The following NLRX1 variants were observed in gnomAD, a reference collection of about 807,000 sequenced individuals.
NLRX1 encodes the protein NOD-like receptor X1.
NLRX1 carries 67 observed loss-of-function variants against 74.2 expected under a neutral mutation model. The ratio of observed to expected loss-of-function variants is 0.90; its 90% CI spans 0.74 to 1.11. The LOEUF (loss-of-function observed/expected upper bound fraction) is 1.11, where lower values mean the gene tolerates loss of function less well. Ranked by LOEUF, NLRX1 falls within the 50% of genes least tolerant of loss-of-function variation. The probability of loss-of-function intolerance (pLI) is 0.00; values close to 1 mark genes in which losing one functional copy is unlikely to be tolerated. For missense variants in NLRX1, 1,191 were observed against 1,305.4 expected, an observed-to-expected ratio of 0.91 and a Z score of 1.35; for synonymous variants, 506 against 559.1, an observed-to-expected ratio of 0.91 and a Z score of 1.34.
chr11:119,176,172 A>G (rs1948699902), intron 6 of NLRX1, among the ~76,000 whole-genome samples: 1 of 152,186 alleles, frequency 6.6e-6, no homozygotes, highest in Non-Finnish European at 1.5e-5. Context: ...GGAATGTTTC[A>G]GCAACGCATT....
At position 119,168,819 on chromosome 11, in the gene NLRX1, C is replaced by T. The variant is rs1375198657; in HGVS notation, c.-532C>T. On this transcript the variant is annotated 5_prime_UTR_variant, in exon 1 of 10. Transcript: ENST00000409109. Reference sequence around the variant, plus strand: ...GCGCCTGCTCCGGAGCACCGGGCCCCTCTCGCTGACCCCCTCGTCCCAGGA... The same window carrying T: ...GCGCCTGCTCCGGAGCACCGGGCCCTTCTCGCTGACCCCCTCGTCCCAGGA... The T allele has an allele frequency of 1.3e-5, 2 of 152,242 alleles. No homozygotes were observed. Among genetic ancestry groups the T allele is most frequent in the Non-Finnish European group, 2.9e-5 (2 of 68,074 alleles). The allele number at this position is 152,242 out of a possible 1,614,324, so 9.4% of individuals were successfully genotyped here.
At position 119,173,763 on chromosome 11, in the gene NLRX1, A is replaced by C. The variant is rs775419771; in HGVS notation, c.514A>C (p.Lys172Gln). The change falls in exon 5 of 10, where the codon AAG becomes CAG. Residue 172 changes from lysine to glutamine, a missense_variant. Transcript: ENST00000409109. The surrounding 1 kb of genome is among the most constrained non-coding windows in gnomAD (Gnocchi z 4.0). ...GCTGTATGGGACAGTGGGCACAGGC[A>C]AGAGCACGCTGGTGCGCAAGATGGT... ...VVLYGTVGTG[K>Q]STLVRKMVLD... 2 of 1,613,630 alleles carry C rather than the reference A, an allele frequency of 1.2e-6. No homozygotes were observed. Among genetic ancestry groups the C allele is most frequent in the African/African-American group, 2.7e-5 (2 of 74,946 alleles).
In NLRX1 at chr11:119,175,044, T is replaced by C. The variant is rs770789347; in HGVS notation, c.1441T>C (p.Cys481Arg). 17 of 1,614,130 alleles carry C rather than the reference T, an allele frequency of 1.1e-5. No individual in the cohort carries two copies. Among genetic ancestry groups the C allele is most frequent in the Admixed American group, 1.7e-5 (1 of 60,030 alleles). The change falls in exon 6 of 10, where the codon TGT becomes CGT. Residue 481 changes from cysteine to arginine, a missense_variant. Physicochemically the swap from Cys to Arg is radical, Grantham distance 180. Coordinates refer to ENST00000409109, the MANE Select transcript of NLRX1 (RefSeq NM_001282144.2). ...TGCCCTGAGGTTTTTCCTGGCCCCA[T>C]GTGTGGAGCCAGGGCGTGCAGGCAC... ...RDALRFFLAP[C>R]VEPGRAGTFV... is the part of the protein sequence containing the mutation.
In NLRX1 at chr11:119,175,053, C is replaced by T. The variant is rs767144792; in HGVS notation, c.1450C>T (p.Pro484Ser). 2 of 1,614,138 alleles carry T rather than the reference C, an allele frequency of 1.2e-6. No homozygotes were observed. Among genetic ancestry groups the T allele is most frequent in the South Asian group, 1.1e-5 (1 of 91,090 alleles). ...LRFFLAPCVE[P>S]GRAGTFVFTV... ...GTTTTTCCTGGCCCCATGTGTGGAG[C>T]CAGGGCGTGCAGGCACCTTCGTGTT... is the stretch of plus-strand genomic sequence containing the variant. Residue 484 changes from proline to serine, a missense_variant, in exon 6 of 10, where the codon CCA becomes TCA. Pro to Ser is a moderately conservative substitution (Grantham distance 74). Transcript: ENST00000409109.
In NLRX1 at chr11:119,182,365, C is replaced by T; in HGVS notation, c.2606+20C>T. The T allele has an allele frequency of 6.2e-7, 1 of 1,601,888 alleles. No individual in the cohort carries two copies. Among genetic ancestry groups the T allele is most frequent in the Non-Finnish European group, 8.5e-7 (1 of 1,174,272 alleles). Reference sequence around the variant, plus strand: ...GCTACAGTGAGTCCTGTCCCTGGTCCCATTGCCCCCAGCCCTTCAGACTAC... The same window carrying T: ...GCTACAGTGAGTCCTGTCCCTGGTCTCATTGCCCCCAGCCCTTCAGACTAC... On this transcript the variant is annotated intron_variant, in intron 9 of 9. Coordinates refer to ENST00000409109, the MANE Select transcript of NLRX1 (RefSeq NM_001282144.2).
At position 119,183,774 on chromosome 11, in the gene NLRX1, TCTGA is replaced by T. The variant is rs1565837686; in HGVS notation, c.*339_*342del. 1.3e-6 allele frequency: 1 copy of T among 780,554 alleles called. No homozygotes were observed. Among genetic ancestry groups the T allele is most frequent in the Non-Finnish European group, 2.4e-6 (1 of 417,948 alleles). 48.4% of individuals were successfully genotyped at this position (780,554 alleles called of 1,614,324 possible). A position where few individuals can be genotyped will look rare whatever the true frequency, so the allele number is the denominator to read the frequency against. ...TGCCTCCCCCTCCTCTCAAAGAGCCTCTGACTGTGTCACCAAGGGGCTCACATCT... is the reference window on the plus strand; with the variant it reads ...TGCCTCCCCCTCCTCTCAAAGAGCCTCTGTGTCACCAAGGGGCTCACATCT... On this transcript the variant is annotated 3_prime_UTR_variant, in exon 10 of 10. Transcript: ENST00000409109. The surrounding 1 kb of genome is among the most constrained non-coding windows in gnomAD (Gnocchi z 5.7).
intron 8 of NLRX1, among the ~76,000 whole-genome samples, chr11:119,181,890 C>T (rs537864432): frequency 1.3e-5 from 2 of 152,258 alleles, no homozygotes; most frequent in East Asian, 1.9e-4. Context: ...CTCTGCCAGG[C>T]GCCACACCCC....
Position 119,173,404 on chromosome 11 carries a change from C to A in NLRX1, c.230-75C>A. ...GCCGTGATGTCCCAGCCTGACCTCACCACCGCCCTGATTGGCCCTAAGCTA... is the reference window on the plus strand; with the variant it reads ...GCCGTGATGTCCCAGCCTGACCTCAACACCGCCCTGATTGGCCCTAAGCTA... On this transcript the variant is annotated intron_variant, in intron 4 of 9. Coordinates refer to ENST00000409109, the MANE Select transcript of NLRX1 (RefSeq NM_001282144.2). This position sits in a 1 kb window ranked among gnomAD's most constrained non-coding sequence, Gnocchi z 4.0. 1 of 1,518,576 alleles carries A rather than the reference C, an allele frequency of 6.6e-7. No individual in the cohort carries two copies. The highest frequency in any genetic ancestry group is 8.9e-7 in the Non-Finnish European group (1 of 1,122,222). 94.1% of individuals were successfully genotyped at this position (1,518,576 alleles called of 1,614,324 possible). A position where few individuals can be genotyped will look rare whatever the true frequency, so the allele number is the denominator to read the frequency against.
At position 119,182,267 on chromosome 11, in the gene NLRX1, C is replaced by A. The variant is rs199476052; in HGVS notation, c.2528C>A (p.Ala843Glu). ...RNRQLQELNV[A>E]YNGAGDTAAL... ...CGGCAGCTGCAGGAGCTGAACGTGG[C>A]GTACAACGGTGCTGGTGACACAGCG... Residue 843 changes from alanine (A) to glutamate (E), a missense_variant, in exon 9 of 10, where the codon GCG becomes GAG. By Grantham distance (107) the Ala-to-Glu change is moderately radical. Coordinates refer to ENST00000409109, the MANE Select transcript of NLRX1 (RefSeq NM_001282144.2). The A allele has an allele frequency of 1.9e-6, 3 of 1,613,732 alleles. No homozygotes were observed. Among genetic ancestry groups the A allele is most frequent in the Non-Finnish European group, 2.5e-6 (3 of 1,180,032 alleles).
chr11:119,182,760 A>G (rs1948872057), intron 9 of NLRX1, among the ~76,000 whole-genome samples: 1 of 151,792 alleles, frequency 6.6e-6, no homozygotes, highest in African/African-American at 2.4e-5. Flanking sequence ...GGTGGTGCGC[A>G]CCTGTAATCC....
chr11:119,183,060 C>T lies in NLRX1; in HGVS notation c.2607-58C>T, dbSNP rs1227637578. 4.0e-6 allele frequency: 6 copies of T among 1,497,426 alleles called. No homozygotes were observed. Among genetic ancestry groups the T allele is most frequent in the Non-Finnish European group, 4.5e-6 (5 of 1,101,850 alleles). 92.8% of individuals were successfully genotyped at this position (1,497,426 alleles called of 1,614,324 possible). ...CCCCCTGACTTTCCATCCATCTACC[C>T]TCGGGCCCTCCTTCTCAGAGCTCTA... On this transcript the variant is annotated intron_variant, in intron 9 of 9. Transcript: ENST00000409109. The surrounding 1 kb of genome is among the most constrained non-coding windows in gnomAD (Gnocchi z 5.7).
chr11:119,182,250 G>A lies in NLRX1; in HGVS notation c.2511G>A (p.Leu837=), dbSNP rs1948858303. 6.2e-7 allele frequency: 1 copy of A among 1,613,790 alleles called. No individual in the cohort carries two copies. The highest frequency in any genetic ancestry group is 1.3e-5 in the African/African-American group (1 of 75,060). The part of the protein sequence containing the change: ...LAAQLDRNRQ[L]QELNVAYNGA... The stretch of plus-strand genomic sequence containing the variant: ...CCCAGCTGGACCGCAACCGGCAGCT[G>A]CAGGAGCTGAACGTGGCGTACAACG... The change falls in exon 9 of 10, where the codon CTG becomes CTA. Residue 837 remains leucine (L), a synonymous_variant. Coordinates refer to ENST00000409109, the MANE Select transcript of NLRX1 (RefSeq NM_001282144.2).
chr11:119,180,016 G>T lies in NLRX1; in HGVS notation c.1995G>T (p.Leu665=). 1 of 1,613,674 alleles carries T rather than the reference G, an allele frequency of 6.2e-7. No homozygotes were observed. The highest frequency in any genetic ancestry group is 8.5e-7 in the Non-Finnish European group (1 of 1,180,000). The stretch of plus-strand genomic sequence containing the variant: ...CCATCAAGAAGAAGCTGGGCAAGCT[G>T]GGCCGGCAGGTGCTGCCCCCATCAG... ...AQAIKKKLGK[L]GRQVLPPSEL... Residue 665 remains leucine (L), a synonymous_variant, in exon 7 of 10, where the codon CTG becomes CTT. Coordinates refer to ENST00000409109, the MANE Select transcript of NLRX1 (RefSeq NM_001282144.2).
chr11:119,173,580 G>A lies in NLRX1; in HGVS notation c.331G>A (p.Val111Ile), dbSNP rs201984173. The A allele has an allele frequency of 2.4e-5, 38 of 1,614,022 alleles. No homozygotes were observed. The highest frequency in any genetic ancestry group is 2.7e-5 in the Non-Finnish European group (32 of 1,180,044). ...AACCTTTGCCCTAGACACGGTCCAC[G>A]TTGACCCTGTGATCCGCGAGAGTAC... ...GPTFALDTVH[V>I]DPVIRESTPD... Residue 111 changes from valine (V) to isoleucine (I), a missense_variant, in exon 5 of 10, where the codon GTT becomes ATT. Val to Ile is a conservative substitution (Grantham distance 29). Transcript: ENST00000409109. This position sits in a 1 kb window ranked among gnomAD's most constrained non-coding sequence, Gnocchi z 4.0.
chr11:119,179,851 C>T lies in NLRX1; in HGVS notation c.1830C>T (p.His610=), dbSNP rs532208151. 3 of 1,614,104 alleles carry T rather than the reference C, an allele frequency of 1.9e-6. No homozygotes were observed. The highest frequency in any genetic ancestry group is 2.7e-5 in the African/African-American group (2 of 75,054). The change falls in exon 7 of 10, where the codon CAC becomes CAT. Residue 610 remains histidine (H), a synonymous_variant. Transcript: ENST00000409109. ...TGGGCGTGGAGGGCCCCCGGCGCCACCCAGATGAGCCCCCTGAGGATGAAG... is the reference window on the plus strand; with the variant it reads ...TGGGCGTGGAGGGCCCCCGGCGCCATCCAGATGAGCCCCCTGAGGATGAAG... ...SILGVEGPRR[H]PDEPPEDEVF...
intron 6 of NLRX1, 94 bp from the exon 7 acceptor site, chr11:119,179,599 C>G (rs1948778742): frequency 5.7e-6 from 6 of 1,057,644 alleles, no homozygotes; most frequent in Non-Finnish European, 8.3e-6. Context: ...GATCACAGGG[C>G]TGGAGCAGTC....
In NLRX1 at chr11:119,179,785, C is replaced by T; in HGVS notation, c.1764C>T (p.Tyr588=). ...TGGAGATGTTTCGAGAGGAGGACTA[C>T]TACAACGATGATGTTCTGGACCAGA... ...MVLEMFREED[Y]YNDDVLDQMG... The change falls in exon 7 of 10, where the codon TAC becomes TAT. Residue 588 remains tyrosine, a synonymous_variant. Transcript: ENST00000409109. 1 of 1,614,202 alleles carries T rather than the reference C, an allele frequency of 6.2e-7. No individual in the cohort carries two copies. The highest frequency in any genetic ancestry group is 1.1e-5 in the South Asian group (1 of 91,086).
intron 7 of NLRX1, 129 bp from the exon 8 acceptor site, chr11:119,181,042 C>T: frequency 1.4e-6 from 1 of 696,454 alleles, no homozygotes; most frequent in Non-Finnish European, 2.6e-6. Flanking sequence ...CCCTGTCTCT[C>T]AAAAAAGGGG....
Position 119,182,924 on chromosome 11 carries a change from A to C in NLRX1, c.2607-194A>C, listed in dbSNP as rs528916875. On this transcript the variant is annotated intron_variant, in intron 9 of 9. Coordinates refer to ENST00000409109, the MANE Select transcript of NLRX1 (RefSeq NM_001282144.2). The stretch of plus-strand genomic sequence containing the variant: ...AACAAAAACAAAAACAAAAACAAAA[A>C]AAAAAAAGAATTTTAGTATTAGTCC... Among the ~76,000 whole-genome samples the C allele has an allele frequency of 3.3e-5, 5 of 151,400 alleles. No individual in the cohort carries two copies. The South Asian group carries it at 6.2e-4, about 19-fold the overall frequency.
Sources: allele counts gnomAD v4.1 joint callset (sites outside exome capture counted in the v4.1 genomes callset), GRCh38; gene constraint gnomAD v4.1.1; non-coding constraint Gnocchi (gnomAD v3.1); transcripts MANE v1.5; gene names NCBI Gene and HGNC (gene_info 2026-07-23, HGNC 2026-07-21).